The following MACROD2 variants were observed in gnomAD, a reference collection of about 807,000 sequenced individuals.
MACROD2 encodes the protein mono-ADP ribosylhydrolase 2.
Under a neutral mutation model 70.4 loss-of-function variants are expected in MACROD2, and 36 were observed. The observed-to-expected ratio is 0.51, with a 90% confidence interval of 0.39 to 0.68. The LOEUF is 0.68. Ranked by LOEUF, MACROD2 falls within the 30% of genes least tolerant of loss-of-function variation. The pLI is 0.00. For synonymous variants in MACROD2, 172 were observed against 178.8 expected, an observed-to-expected ratio of 0.96 and a Z score of 0.30; for missense variants, 496 against 538.4, an observed-to-expected ratio of 0.92 and a Z score of 0.78.
chr20:15,194,073 C>T (rs1162101800), intron 5 of MACROD2, among the ~76,000 whole-genome samples: 3 of 151,788 alleles, frequency 2.0e-5, no homozygotes, highest in Non-Finnish European at 2.9e-5. Flanking sequence ...TAGTGAAACC[C>T]TGTCTCTACC....
chr20:14,696,116 A>G (rs913894838), intron 5 of MACROD2, among the ~76,000 whole-genome samples: 2 of 152,150 alleles, frequency 1.3e-5, no homozygotes, highest in Non-Finnish European at 2.9e-5. Context: ...TTGCCATACC[A>G]TTATCATAGG....
chr20:14,435,521 AT>A, intron 3 of MACROD2, among the ~76,000 whole-genome samples: 2 of 152,210 alleles, frequency 1.3e-5, no homozygotes, highest in South Asian at 4.1e-4. Context: ...CCAGATGCCA[AT>A]TTTACCACTA....
intron 6 of MACROD2, among the ~76,000 whole-genome samples, chr20:15,343,047 TG>T (rs2078127250): frequency 1.3e-5 from 2 of 152,224 alleles, no homozygotes; most frequent in South Asian, 4.1e-4. Context: ...TAGAAAGTAT[TG>T]CTTCAGTGAT....
At chr20:14,014,588 G>T (rs1202605260) in intron 2 of MACROD2, among the ~76,000 whole-genome samples, 5 of 152,064 alleles carry the variant, frequency 3.3e-5, no homozygotes, top group South Asian at 2.1e-4. Flanking sequence ...AATTTAGAGG[G>T]TATGCAGTTT....
chr20:15,326,532 T>G (rs1286504280), intron 6 of MACROD2, among the ~76,000 whole-genome samples: 1 of 152,110 alleles, frequency 6.6e-6, no homozygotes, highest in Non-Finnish European at 1.5e-5. Flanking sequence ...CATATATTCT[T>G]AAAGATAAAT....
chr20:15,578,434 T>C (rs546396814), intron 8 of MACROD2, among the ~76,000 whole-genome samples: 1 of 152,282 alleles, frequency 6.6e-6, no homozygotes, highest in African/African-American at 2.4e-5. Flanking sequence ...ATGAGGTGGT[T>C]GTGAGGATTG....
At chr20:14,828,417 A>G (rs1404625761) in intron 5 of MACROD2, among the ~76,000 whole-genome samples, 1 of 152,120 alleles carries the variant, frequency 6.6e-6, no homozygotes, top group Non-Finnish European at 1.5e-5. Context: ...TTCTCACTTC[A>G]CTTTTAGGGT....
chr20:15,320,342 T>G (rs1236291520), intron 6 of MACROD2, among the ~76,000 whole-genome samples: 1 of 152,240 alleles, frequency 6.6e-6, no homozygotes, highest in African/African-American at 2.4e-5. Flanking sequence ...GTTCACATAG[T>G]TGCACACATT....
At chr20:14,078,996 C>G (rs1445311299) in intron 2 of MACROD2, among the ~76,000 whole-genome samples, 9 of 152,120 alleles carry the variant, frequency 5.9e-5, no homozygotes, top group Admixed American at 5.9e-4. Flanking sequence ...ATCATAATGC[C>G]AACTATTATT....
intron 5 of MACROD2, among the ~76,000 whole-genome samples, chr20:15,214,565 G>GGCC (rs2076792421): frequency 6.6e-6 from 1 of 152,004 alleles, no homozygotes; most frequent in East Asian, 1.9e-4. Flanking sequence ...TATATAAAAA[G>GGCC]AACATTAAAA....
intron 7 of MACROD2, among the ~76,000 whole-genome samples, chr20:15,454,384 T>A (rs2046687567): frequency 6.7e-6 from 1 of 150,116 alleles, no homozygotes; most frequent in Admixed American, 6.7e-5. Flanking sequence ...AAATGCTATA[T>A]CCCTCTCATT....
rs1013455210 is a variant in MACROD2, at chr20:16,051,000, G to A, written c.*1124G>A. 5 of 152,252 alleles carry A rather than the reference G, an allele frequency of 3.3e-5. No individual in the cohort carries two copies. The highest frequency in any genetic ancestry group is 1.2e-4 in the African/African-American group (5 of 41,436). 9.4% of individuals were successfully genotyped at this position (152,252 alleles called of 1,614,324 possible). A position where few individuals can be genotyped will look rare whatever the true frequency, so the allele number is the denominator to read the frequency against. ...TGAAGGGGAGGATACAGCTCTGAAG[G>A]GGGGCAGCAGTACTAAAAACCCAAG... is the stretch of plus-strand genomic sequence containing the variant. On this transcript the variant is annotated 3_prime_UTR_variant, in exon 18 of 18. Coordinates refer to ENST00000684519, the MANE Select transcript of MACROD2 (RefSeq NM_001351661.2).
chr20:14,200,023 T>G (rs967662954), intron 3 of MACROD2, among the ~76,000 whole-genome samples: 9 of 152,206 alleles, frequency 5.9e-5, no homozygotes, highest in Non-Finnish European at 1.2e-4. Flanking sequence ...TGTTTCCCAA[T>G]AGCAAAGACA....
chr20:15,638,472 A>G (rs1421572987), intron 8 of MACROD2, among the ~76,000 whole-genome samples: 1 of 152,222 alleles, frequency 6.6e-6, no homozygotes, highest in Non-Finnish European at 1.5e-5. Flanking sequence ...GTCATAGGCC[A>G]TGAGTCTGAA....
intron 7 of MACROD2, among the ~76,000 whole-genome samples, chr20:15,483,723 C>T (rs1356513693): frequency 6.6e-6 from 1 of 151,038 alleles, no homozygotes; most frequent in Admixed American, 6.6e-5. Flanking sequence ...TTATTTAGTT[C>T]TCCTTTGATT....
Position 14,499,171 on chromosome 20 carries a change from A to C in MACROD2, c.301+5663A>C, listed in dbSNP as rs536973039. ...GAAACTCAGGGGCTCTGGCCTTTTT[A>C]CTCAGGCAGGGAGCAGAGATGCAGG... On this transcript the variant is annotated intron_variant, in intron 4 of 17. Coordinates refer to ENST00000684519, the MANE Select transcript of MACROD2 (RefSeq NM_001351661.2). Among the ~76,000 whole-genome samples the C allele has an allele frequency of 7.9e-5, 12 of 152,214 alleles. 1 individual carries two copies. The South Asian group carries it at 1.7e-3, about 21-fold the overall frequency.
intron 4 of MACROD2, among the ~76,000 whole-genome samples, chr20:14,519,241 A>C (rs888674777): frequency 2.0e-5 from 3 of 152,120 alleles, no homozygotes; most frequent in Admixed American, 1.3e-4. Flanking sequence ...TCTTAGAATC[A>C]AGATTCATTG....
intron 5 of MACROD2, among the ~76,000 whole-genome samples, chr20:14,779,083 A>C (rs1038742876): frequency 4.6e-5 from 7 of 152,134 alleles, no homozygotes; most frequent in Non-Finnish European, 8.8e-5. Flanking sequence ...GTGAGTCAGC[A>C]TTAAATTGGG....
chr20:15,591,586 TAAAAAAAAAAAAAAAAAAAA>T (rs11471295), intron 8 of MACROD2, among the ~76,000 whole-genome samples: 4 of 65,138 alleles, frequency 6.1e-5, no homozygotes, highest in Admixed American at 4.3e-4. Flanking sequence ...AAGCCAGTAC[TAAAAAAAAAAAAAAAAAAAA>T]AAAAAAAAAA....
Sources: gnomAD v4.1 joint callset for allele counts (sites outside exome capture counted in the v4.1 genomes callset) on GRCh38, gnomAD v4.1.1 for gene constraint, MANE v1.5 for transcripts, NCBI Gene and HGNC (gene_info 2026-07-23, HGNC 2026-07-21) for gene names.